The following GPHN variants were observed in gnomAD, a reference collection of about 807,000 sequenced individuals.
GPHN encodes gephyrin.
A neutral mutation model predicts 95.5 loss-of-function variants in GPHN; 17 were observed. That is an observed-to-expected ratio of 0.18 (90% CI 0.12 to 0.27). GPHN has a LOEUF of 0.27. Ranked by LOEUF, GPHN falls within the 10% of genes least tolerant of loss-of-function variation. The probability of loss-of-function intolerance (pLI) is 1.00; values close to 1 mark genes in which losing one functional copy is unlikely to be tolerated. For missense variants in GPHN, 660 were observed against 978.1 expected, an observed-to-expected ratio of 0.67 and a Z score of 4.34; for synonymous variants, 320 against 322.5, an observed-to-expected ratio of 0.99 and a Z score of 0.08.
At chr14:67,479,324 T>C in the GPHN span, among the ~76,000 whole-genome samples, 1 of 150,674 alleles carries the variant, frequency 6.6e-6, no homozygotes, top group Non-Finnish European at 1.5e-5. Flanking sequence ...AAGAATTGCT[T>C]GAACCGGGAC....
rs76416301 is a variant in GPHN, at chr14:66,515,789, C to T, written c.64+7198C>T. ...ACCTACTATGTACCAAGGCCCTGTGCTAAGTGAAGGATACAATAGTGATTA... is the reference window on the plus strand; with the variant it reads ...ACCTACTATGTACCAAGGCCCTGTGTTAAGTGAAGGATACAATAGTGATTA... On this transcript the variant is annotated intron_variant, in intron 1 of 22. Transcript: ENST00000478722. Among the ~76,000 whole-genome samples, 543 of 152,252 alleles carry T rather than the reference C, an allele frequency of 3.6e-3. 9 individuals carry two copies. The highest frequency in any genetic ancestry group is 0.012 in the African/African-American group (517 of 41,546).
the GPHN span, among the ~76,000 whole-genome samples, chr14:67,537,346 A>AAATAAT: frequency 0.015 from 1,861 of 126,566 alleles, 25 homozygotes; most frequent in South Asian, 0.061. Flanking sequence ...TCCATCTCAA[A>AAATAAT]AATAATAATA....
At chr14:66,984,350 C>T (rs2070880473) in intron 9 of GPHN, among the ~76,000 whole-genome samples, 1 of 152,168 alleles carries the variant, frequency 6.6e-6, no homozygotes, top group African/African-American at 2.4e-5. Flanking sequence ...TGCTGATGTT[C>T]TAGTTAGTAT....
chr14:66,643,606 G>C (rs1344032926), intron 1 of GPHN, among the ~76,000 whole-genome samples: 1 of 151,948 alleles, frequency 6.6e-6, no homozygotes, highest in African/African-American at 2.4e-5. Context: ...TTAATGTTCT[G>C]CAGAGGCATC....
chr14:66,779,472 A>T (rs1015723070), intron 3 of GPHN, among the ~76,000 whole-genome samples: 26 of 152,168 alleles, frequency 1.7e-4, no homozygotes, highest in African/African-American at 6.0e-4. Context: ...ATAAATATAT[A>T]TAAATAAGCA....
At chr14:66,919,482 C>T (rs2066089389) in intron 6 of GPHN, among the ~76,000 whole-genome samples, 1 of 152,110 alleles carries the variant, frequency 6.6e-6, no homozygotes, top group African/African-American at 2.4e-5. Flanking sequence ...TCCTGCAGTT[C>T]AAGAATGAGG....
intron 4 of GPHN, among the ~76,000 whole-genome samples, chr14:66,834,919 G>A (rs1399065468): frequency 2.1e-5 from 3 of 141,666 alleles, no homozygotes; most frequent in Non-Finnish European, 4.6e-5. Flanking sequence ...ATTGATTATT[G>A]CCACAATTTC....
chr14:67,134,569 C>T (rs2079923723), intron 17 of GPHN, among the ~76,000 whole-genome samples: 1 of 152,156 alleles, frequency 6.6e-6, no homozygotes, highest in African/African-American at 2.4e-5. Context: ...TCATTCAGCC[C>T]ATTTACTGAG....
chr14:66,961,900 G>GTATATGTATA (rs2068930340), intron 8 of GPHN, among the ~76,000 whole-genome samples: 1 of 52,958 alleles, frequency 1.9e-5, no homozygotes, highest in Non-Finnish European at 4.4e-5. Context: ...CCCTGAATGT[G>GTATATGTATA]TATATATATA....
At chr14:67,694,650 G>A in the GPHN span, among the ~76,000 whole-genome samples, 1 of 151,986 alleles carries the variant, frequency 6.6e-6, no homozygotes, top group African/African-American at 2.4e-5. Flanking sequence ...GTTTTCATCT[G>A]AGTGTGAGAA....
chr14:67,560,237 G>A, the GPHN span, among the ~76,000 whole-genome samples: 125 of 152,218 alleles, frequency 8.2e-4, no homozygotes, highest in African/African-American at 2.8e-3. Flanking sequence ...ATGTTGGCCA[G>A]GCTGGTCTCG....
chr14:67,422,934 C>T, the GPHN span, among the ~76,000 whole-genome samples: 35 of 150,486 alleles, frequency 2.3e-4, no homozygotes, highest in African/African-American at 7.6e-4. Context: ...CAGGTTCAAG[C>T]GATTATCCTG....
At chr14:66,561,255 T>G (rs886487316) in intron 1 of GPHN, among the ~76,000 whole-genome samples, 1 of 152,218 alleles carries the variant, frequency 6.6e-6, no homozygotes, top group Admixed American at 6.5e-5. Flanking sequence ...GCTGGCCTCA[T>G]AAAATGAGGT....
chr14:67,357,516 T>G, the GPHN span, among the ~76,000 whole-genome samples: 16 of 152,336 alleles, frequency 1.1e-4, no homozygotes, highest in African/African-American at 3.8e-4. Context: ...AGCCTATCAT[T>G]TTCTTACCTA....
the GPHN span, among the ~76,000 whole-genome samples, chr14:67,656,098 T>C: frequency 6.6e-6 from 1 of 151,762 alleles, no homozygotes; most frequent in South Asian, 2.1e-4. Context: ...ATACAAACAT[T>C]AGCTAGGCAT....
chr14:67,654,488 C>T, the GPHN span, among the ~76,000 whole-genome samples: 1 of 152,138 alleles, frequency 6.6e-6, no homozygotes, highest in Non-Finnish European at 1.5e-5. Context: ...AACCAAAACC[C>T]ACACAATCTG....
At chr14:66,788,637 C>T (rs1201350053) in intron 3 of GPHN, among the ~76,000 whole-genome samples, 1 of 152,044 alleles carries the variant, frequency 6.6e-6, no homozygotes, top group East Asian at 1.9e-4. Context: ...TAAACCCACT[C>T]CTTTTGTTTG....
At chr14:67,724,451 C>T in the GPHN span, 2 of 1,427,144 alleles carry the variant, frequency 1.4e-6, no homozygotes, top group Non-Finnish European at 1.9e-6. Context: ...GTACGTGATG[C>T]TCTTGTTTCC....
the GPHN span, chr14:67,580,842 C>G: frequency 1.3e-6 from 1 of 779,100 alleles, no homozygotes; most frequent in South Asian, 1.6e-5. Flanking sequence ...CCTTAGTTTT[C>G]TTTGCTCTTC....
Sources: allele counts gnomAD v4.1 joint callset (sites outside exome capture counted in the v4.1 genomes callset), GRCh38; gene constraint gnomAD v4.1.1; transcripts MANE v1.5; gene names NCBI Gene and HGNC (gene_info 2026-07-23, HGNC 2026-07-21).